The following ELOVL7 variants were observed in gnomAD, a reference collection of about 807,000 sequenced individuals.
The protein encoded by ELOVL7 is very long chain fatty acid elongase 7.
In ELOVL7, 27 loss-of-function variants were observed where a neutral mutation model predicts 35.7. The ratio of observed to expected loss-of-function variants is 0.76; its 90% CI spans 0.56 to 1.04. The LOEUF is 1.04. Among genes scored for constraint, ELOVL7 ranks in the 50% least tolerant of loss-of-function variants. The pLI, the probability that ELOVL7 is intolerant of heterozygous loss-of-function variation, is 0.00. For missense variants in ELOVL7, 327 were observed against 340.8 expected (o/e 0.96, Z 0.32); for synonymous variants, 113 against 114.6 (o/e 0.99, Z 0.09).
intron 1 of ELOVL7, among the ~76,000 whole-genome samples, chr5:60,816,565 C>A (rs921251919): frequency 1.1e-4 from 17 of 152,146 alleles, no homozygotes; most frequent in African/African-American, 3.9e-4. Context: ...GCCAAATAGG[C>A]CAAATTACAC....
chr5:60,809,818 T>C (rs1745143944), intron 1 of ELOVL7, among the ~76,000 whole-genome samples: 1 of 152,172 alleles, frequency 6.6e-6, no homozygotes, highest in Non-Finnish European at 1.5e-5. Context: ...CCTAATTTTT[T>C]TTTCTCCAGG....
In ELOVL7 at chr5:60,752,184, C is replaced by T. The variant is rs1387240074; in HGVS notation, c.*2440G>A. 3 of 152,174 alleles carry T rather than the reference C, an allele frequency of 2.0e-5. No homozygotes were observed. The highest frequency in any genetic ancestry group is 4.4e-5 in the Non-Finnish European group (3 of 68,016). 9.4% of individuals were successfully genotyped at this position (152,174 alleles called of 1,614,324 possible). Reference sequence around the variant, plus strand: ...ACTCTTTTAATAAATATGGCCCATACAAATTCCATATCCAGTGAAAATCAT... The same window carrying T: ...ACTCTTTTAATAAATATGGCCCATATAAATTCCATATCCAGTGAAAATCAT... On this transcript the variant is annotated 3_prime_UTR_variant, in exon 9 of 9. Transcript: ENST00000508821.
intron 2 of ELOVL7, among the ~76,000 whole-genome samples, chr5:60,797,191 C>T (rs1023285544): frequency 2.6e-5 from 4 of 152,182 alleles, no homozygotes; most frequent in African/African-American, 9.6e-5. Context: ...AACACATACG[C>T]ATGTGTGTAT....
rs201325827 is a variant in ELOVL7 at position 60,809,812 on chromosome 5, A to AT, written c.-85-10583dup. On this transcript the variant is annotated intron_variant, in intron 1 of 8. Transcript: ENST00000508821. ...AGAAGCAAACAGACTAACAATCCTA[A>AT]TTTTTTTTTCTCCAGGTGGTGAATG... Among the ~76,000 whole-genome samples the AT allele has an allele frequency of 2.0e-4, 31 of 151,878 alleles. No homozygotes were observed. In the South Asian group the frequency reaches 3.8e-3, roughly 18 times the overall value.
At chr5:60,791,742 C>G (rs146736889) in intron 2 of ELOVL7, among the ~76,000 whole-genome samples, 2 of 152,248 alleles carry the variant, frequency 1.3e-5, no homozygotes, top group African/African-American at 4.8e-5. Context: ...GCTACATTTC[C>G]CCCTCACCTT....
At chr5:60,762,398 G>A (rs906829787) in intron 7 of ELOVL7, among the ~76,000 whole-genome samples, 1 of 150,996 alleles carries the variant, frequency 6.6e-6, no homozygotes, top group Non-Finnish European at 1.5e-5. Flanking sequence ...CACTATCAAT[G>A]AACTCAAACA....
chr5:60,795,995 C>G (rs146311688), intron 2 of ELOVL7, among the ~76,000 whole-genome samples: 1 of 152,130 alleles, frequency 6.6e-6, no homozygotes, highest in Non-Finnish European at 1.5e-5. Context: ...GATCCATGCA[C>G]GGTAACAGTA....
At chr5:60,808,189 AG>A (rs1489042793) in intron 1 of ELOVL7, among the ~76,000 whole-genome samples, 6 of 151,906 alleles carry the variant, frequency 3.9e-5, no homozygotes, top group South Asian at 2.1e-4. Flanking sequence ...AAAATGATAA[AG>A]GTTAAACTAA....
chr5:60,758,230 T>G (rs1170428318), intron 7 of ELOVL7, among the ~76,000 whole-genome samples: 1 of 152,232 alleles, frequency 6.6e-6, no homozygotes, highest in African/African-American at 2.4e-5. Context: ...TACTCTTTTG[T>G]ACCTGGTACA....
In ELOVL7 at chr5:60,833,594, A is replaced by G. The variant is rs150126104; in HGVS notation, c.-86+10566T>C. ...AAAAAAAGAAAAAAAAATTAAACCT[A>G]CATTAGAAATTAAATTCAGTTTTAA... On this transcript the variant is annotated intron_variant, in intron 1 of 8. Transcript: ENST00000508821. Among the ~76,000 whole-genome samples the G allele has an allele frequency of 4.9e-4, 74 of 152,332 alleles. 1 individual carries two copies. In the East Asian group the frequency reaches 0.012, roughly 24 times the overall value.
chr5:60,806,660 G>A (rs1166093599), intron 1 of ELOVL7, among the ~76,000 whole-genome samples: 1 of 152,176 alleles, frequency 6.6e-6, no homozygotes, highest in Non-Finnish European at 1.5e-5. Flanking sequence ...GATGCTAGAA[G>A]TCTAAAATCA....
rs1175007177 is a variant in ELOVL7 at position 60,753,239 on chromosome 5, A to G, written c.*1385T>C. The G allele has an allele frequency of 6.6e-6, 1 of 152,094 alleles. No homozygotes were observed. The highest frequency in any genetic ancestry group is 1.5e-5 in the Non-Finnish European group (1 of 68,004). The allele number at this position is 152,094 out of a possible 1,614,324, so 9.4% of individuals were successfully genotyped here. ...AGAAAAAAAATAGGGAAAAATTCACAAATGTCCAAATATTATTTCATGGAC... is the reference window on the plus strand; with the variant it reads ...AGAAAAAAAATAGGGAAAAATTCACGAATGTCCAAATATTATTTCATGGAC... On this transcript the variant is annotated 3_prime_UTR_variant, in exon 9 of 9. Coordinates refer to ENST00000508821, the MANE Select transcript of ELOVL7 (RefSeq NM_024930.3).
chr5:60,771,062 A>C (rs1742556157), intron 4 of ELOVL7, among the ~76,000 whole-genome samples: 1 of 152,178 alleles, frequency 6.6e-6, no homozygotes, highest in African/African-American at 2.4e-5. Context: ...GTCAGAATGC[A>C]TGTGGAGAAA....
chr5:60,764,293 A>G lies in ELOVL7; in HGVS notation c.433T>C (p.Phe145Leu). Residue 145 changes from phenylalanine to leucine, a missense_variant, in exon 7 of 9, where the codon TTC (phenylalanine) becomes CTC (leucine). Physicochemically the swap from Phe to Leu is conservative, Grantham distance 22 (BLOSUM62 0). Transcript: ENST00000508821. Reference protein sequence around the residue: ...VLRKKNSQVTFLHVFHHTIMP... With the variant: ...VLRKKNSQVTLLHVFHHTIMP... ...ATGGTATGATGGAATACATGAAGGA[A>G]AGTCACTTGGCTATTTTTCTTGCGC... The G allele has an allele frequency of 6.2e-7, 1 of 1,613,796 alleles. No homozygotes were observed. The highest frequency in any genetic ancestry group is 1.1e-5 in the South Asian group (1 of 91,056).
At chr5:60,805,423 C>T (rs992263120) in intron 1 of ELOVL7, among the ~76,000 whole-genome samples, 1 of 152,206 alleles carries the variant, frequency 6.6e-6, no homozygotes, top group African/African-American at 2.4e-5. Context: ...GCACCTGATT[C>T]TGGAGGAACC....
chr5:60,777,437 G>T (rs550773978), intron 3 of ELOVL7, among the ~76,000 whole-genome samples: 18 of 151,704 alleles, frequency 1.2e-4, no homozygotes, highest in Non-Finnish European at 2.5e-4. Context: ...ACTTAGATTG[G>T]GAACACAGGA....
At chr5:60,810,448 CT>C (rs1745178067) in intron 1 of ELOVL7, among the ~76,000 whole-genome samples, 2 of 152,180 alleles carry the variant, frequency 1.3e-5, no homozygotes, top group South Asian at 2.1e-4. Flanking sequence ...GCTTAAAAAG[CT>C]TCTACAGAGA....
Position 60,754,820 on chromosome 5 carries a change from A to G in ELOVL7, c.650T>C (p.Ile217Thr), listed in dbSNP as rs1232815845. The G allele has an allele frequency of 4.3e-6, 7 of 1,614,026 alleles. No individual in the cohort carries two copies. The South Asian group carries it at 7.7e-5, about 18-fold the overall frequency. ...LTSLQLVQFV[I>T]VAIHISQFFF... The stretch of plus-strand genomic sequence containing the variant: ...GAACTGGCTTATGTGGATGGCGACA[A>G]TAACAAACTGGACCTAAGAAATGAA... Residue 217 changes from isoleucine to threonine, a missense_variant, in exon 9 of 9, where the codon ATT becomes ACT. By Grantham distance (89) the Ile-to-Thr change is moderately conservative. Transcript: ENST00000508821.
chr5:60,812,149 G>A (rs1745272715), intron 1 of ELOVL7, among the ~76,000 whole-genome samples: 1 of 152,184 alleles, frequency 6.6e-6, no homozygotes, highest in African/African-American at 2.4e-5. Flanking sequence ...AAGCCCAGTA[G>A]TTTGAGGTTA....
Sources: allele counts gnomAD v4.1 joint callset (sites outside exome capture counted in the v4.1 genomes callset), GRCh38; gene constraint gnomAD v4.1.1; transcripts MANE v1.5; gene names NCBI Gene and HGNC (gene_info 2026-07-23, HGNC 2026-07-21).